MYO9A: variants seen among roughly 807,000 people sequenced by gnomAD.
MYO9A encodes the protein myosin IXA.
Under a neutral mutation model 293.3 loss-of-function variants are expected in MYO9A, and 103 were observed. The observed-to-expected ratio is 0.35, with a 90% confidence interval of 0.30 to 0.41. The LOEUF (loss-of-function observed/expected upper bound fraction) is 0.41. Ranked by LOEUF, MYO9A falls within the 10% of genes least tolerant of loss-of-function variation. The probability of loss-of-function intolerance (pLI) is 1.00; values close to 1 mark genes in which losing one functional copy is unlikely to be tolerated. For synonymous variants in MYO9A, 1,001 were observed against 1,035.7 expected (o/e 0.97, Z 0.64); for missense variants, 2,685 against 3,033.0 (o/e 0.89, Z 2.69).
intron 3 of MYO9A, 83 bp from the exon 4 acceptor site, chr15:72,027,876 T>C: frequency 2.0e-6 from 2 of 991,104 alleles, no homozygotes; most frequent in Non-Finnish European, 3.1e-6. Context: ...TGTAAAAGTA[T>C]AAAGAATACT....
Position 71,895,852 on chromosome 15 carries a change from T to C in MYO9A, c.5042+1609A>G, listed in dbSNP as rs181007610. Among the ~76,000 whole-genome samples the C allele has an allele frequency of 1.4e-3, 211 of 152,258 alleles. 1 individual carries two copies. The highest frequency in any genetic ancestry group is 4.9e-3 in the African/African-American group (202 of 41,574). ...TTTTTAGAATCCACAATTTGTTTTTTACAAAACAAATTCATGGATCCAACA... is the reference window on the plus strand; with the variant it reads ...TTTTTAGAATCCACAATTTGTTTTTCACAAAACAAATTCATGGATCCAACA... On this transcript the variant is annotated intron_variant, in intron 25 of 41. Transcript: ENST00000356056.
intron 39 of MYO9A, among the ~76,000 whole-genome samples, chr15:71,832,444 G>A (rs1302598883): frequency 6.6e-6 from 1 of 151,914 alleles, no homozygotes. Flanking sequence ...GCAAAAAAAA[G>A]ACTTAAAAGC....
At position 71,897,808 on chromosome 15, in the gene MYO9A, G is replaced by C. The variant is rs200475088; in HGVS notation, c.4695C>G (p.Thr1565=). The part of the protein sequence containing the change: ...ERPSSLLSLN[T]SNKGELNVLG... ...GTACATTAAGTTCTCCCTTATTTGA[G>C]GTATTTAAGCTGAGGAGAGAGGATG... Residue 1565 remains threonine (T), a synonymous_variant, in exon 25 of 42, where the codon ACC becomes ACG. Transcript: ENST00000356056. 3 of 1,613,998 alleles carry C rather than the reference G, an allele frequency of 1.9e-6. No homozygotes were observed. Among genetic ancestry groups the C allele is most frequent in the Non-Finnish European group, 2.5e-6 (3 of 1,179,986 alleles).
At chr15:72,049,653 G>A (rs1263363763) in intron 1 of MYO9A, among the ~76,000 whole-genome samples, 4 of 152,236 alleles carry the variant, frequency 2.6e-5, no homozygotes, top group Admixed American at 2.6e-4. Flanking sequence ...TCAGCAGCAT[G>A]AGATTGTCAT....
intron 2 of MYO9A, among the ~76,000 whole-genome samples, chr15:72,043,593 GTACA>G (rs2078291556): frequency 6.6e-6 from 1 of 152,118 alleles, no homozygotes; most frequent in Non-Finnish European, 1.5e-5. Context: ...ATATAAAAGG[GTACA>G]TACTATGTGG....
chr15:71,912,091 A>G (rs917826940), intron 19 of MYO9A, among the ~76,000 whole-genome samples: 5 of 152,118 alleles, frequency 3.3e-5, no homozygotes, highest in African/African-American at 1.2e-4. Flanking sequence ...GTCTACCTTC[A>G]AATAATACTA....
intron 7 of MYO9A, among the ~76,000 whole-genome samples, chr15:72,009,268 A>G (rs1318085855): frequency 6.6e-6 from 1 of 152,202 alleles, no homozygotes; most frequent in Non-Finnish European, 1.5e-5. Flanking sequence ...GCCAACTTAC[A>G]TATTGTATTA....
At position 71,901,279 on chromosome 15, in the gene MYO9A, C is replaced by T. The variant is rs373279466; in HGVS notation, c.3062G>A (p.Arg1021His). Residue 1021 changes from arginine to histidine, a missense_variant, in exon 23 of 42, where the codon CGC (arginine) becomes CAC (histidine). Physicochemically the swap from Arg to His is conservative, Grantham distance 29. This residue lies in a region of MYO9A where 1,434 missense variants were observed against 1,497.7 expected (regional missense o/e 0.96). Transcript: ENST00000356056. The stretch of plus-strand genomic sequence containing the variant: ...CCATCGCTGCAACAATATGATTCTG[C>T]GGAGCACCTCTTGGTGAAGCAGATC... ...LQDLLHQEVL[R>H]RIILLQRWFR... The T allele has an allele frequency of 1.1e-5, 18 of 1,613,784 alleles. No individual in the cohort carries two copies. Among genetic ancestry groups the T allele is most frequent in the Middle Eastern group, 1.6e-4 (1 of 6,082 alleles).
In MYO9A at chr15:71,883,357, A is replaced by C. The variant is rs568935075; in HGVS notation, c.5398+237T>G. On this transcript the variant is annotated intron_variant, in intron 28 of 41. Transcript: ENST00000356056. ...AAATTAAGGCTAACCTATGATACAC[A>C]GTCATTTTTGAGGTGGTTGCTGCTT... is the stretch of plus-strand genomic sequence containing the variant. Among the ~76,000 whole-genome samples the C allele has an allele frequency of 5.9e-5, 9 of 152,320 alleles. No individual in the cohort carries two copies. In the East Asian group the frequency reaches 7.7e-4, roughly 13 times the overall value.
chr15:71,984,479 G>A (rs546451115), intron 11 of MYO9A, among the ~76,000 whole-genome samples: 2 of 151,936 alleles, frequency 1.3e-5, no homozygotes, highest in East Asian at 3.9e-4. Flanking sequence ...TTGTTTTTTT[G>A]TTTTGACAGT....
At chr15:72,042,639 A>T (rs1191439818) in intron 2 of MYO9A, among the ~76,000 whole-genome samples, 4 of 151,966 alleles carry the variant, frequency 2.6e-5, no homozygotes, top group Non-Finnish European at 5.9e-5. Context: ...ACTCAACATT[A>T]TACTGGAGTA....
intron 14 of MYO9A, among the ~76,000 whole-genome samples, chr15:71,954,884 T>A (rs1398306898): frequency 1.3e-5 from 2 of 152,222 alleles, no homozygotes; most frequent in Non-Finnish European, 2.9e-5. Context: ...AAAGTTTCTG[T>A]AATGTCAATT....
rs138994401 is a variant in MYO9A at position 71,936,320 on chromosome 15, A to C, written c.2379-836T>G. 3.5e-3 allele frequency among the ~76,000 whole-genome samples: 533 copies of C among 152,236 alleles called. 1 individual carries two copies. The highest frequency in any genetic ancestry group is 0.017 in the Middle Eastern group (5 of 294). ...TGATTACCAGAGACTGGAAAAGGTAATGAGGTGGAGGGGTGCAGTAAGCAG... is the reference window on the plus strand; with the variant it reads ...TGATTACCAGAGACTGGAAAAGGTACTGAGGTGGAGGGGTGCAGTAAGCAG... On this transcript the variant is annotated intron_variant, in intron 16 of 41. Transcript: ENST00000356056.
In MYO9A at chr15:71,824,204, T is replaced by G. The variant is rs528258841; in HGVS notation, c.*2376A>C. ...AATCTAGCAACTGAAAAAACAAGTTTTTTTAATTGAATTTTATCCAAACTG... is the reference window on the plus strand; with the variant it reads ...AATCTAGCAACTGAAAAAACAAGTTGTTTTAATTGAATTTTATCCAAACTG... On this transcript the variant is annotated 3_prime_UTR_variant, in exon 42 of 42. Transcript: ENST00000356056. 6.6e-6 allele frequency: 1 copy of G among 152,334 alleles called. No homozygotes were observed. Among genetic ancestry groups the G allele is most frequent in the East Asian group, 1.9e-4 (1 of 5,192 alleles). 9.4% of individuals were successfully genotyped at this position (152,334 alleles called of 1,614,324 possible). A position where few individuals can be genotyped will look rare whatever the true frequency, so the allele number is the denominator to read the frequency against.
At chr15:71,832,664 C>A (rs1043901397) in intron 39 of MYO9A, among the ~76,000 whole-genome samples, 1 of 152,136 alleles carries the variant, frequency 6.6e-6, no homozygotes, top group Non-Finnish European at 1.5e-5. Flanking sequence ...GAGAATCTCA[C>A]ACCAGCAGAC....
intron 11 of MYO9A, 129 bp downstream of exon 11, chr15:71,990,974 C>G: frequency 3.2e-6 from 3 of 930,296 alleles, no homozygotes; most frequent in Non-Finnish European, 4.4e-6. Context: ...TGTAAAGGCA[C>G]GTTTCAATAT....
At chr15:71,977,354 A>T (rs1432870254) in intron 12 of MYO9A, among the ~76,000 whole-genome samples, 3 of 152,158 alleles carry the variant, frequency 2.0e-5, no homozygotes, top group African/African-American at 7.2e-5. Context: ...CTCATGCCTC[A>T]GCCTCCTAAG....
intron 1 of MYO9A, among the ~76,000 whole-genome samples, chr15:72,052,452 C>G (rs906979145): frequency 6.6e-6 from 1 of 152,220 alleles, no homozygotes; most frequent in Non-Finnish European, 1.5e-5. Flanking sequence ...GAACTCAGGA[C>G]CTGCCGAATG....
intron 3 of MYO9A, among the ~76,000 whole-genome samples, chr15:72,030,487 A>G (rs1363815800): frequency 6.6e-6 from 1 of 152,096 alleles, no homozygotes; most frequent in Non-Finnish European, 1.5e-5. Flanking sequence ...TCTACATAAT[A>G]CATATCTATA....
Sources: gnomAD v4.1 joint callset for allele counts (sites outside exome capture counted in the v4.1 genomes callset) on GRCh38, gnomAD v4.1.1 for gene constraint, gnomAD v4.1.1 regional missense constraint, MANE v1.5 for transcripts, NCBI Gene and HGNC (gene_info 2026-07-23, HGNC 2026-07-21) for gene names.